Variants in CHRNA2 observed in about 807,000 individuals in gnomAD.
CHRNA2 encodes cholinergic receptor nicotinic alpha 2 subunit.
In CHRNA2, 40 loss-of-function variants were observed where a neutral mutation model predicts 45.5. That is an observed-to-expected ratio of 0.88 (90% CI 0.68 to 1.15). The LOEUF (loss-of-function observed/expected upper bound fraction) is 1.15, where lower values mean the gene tolerates loss of function less well. CHRNA2 is among the 50% of genes most tolerant of loss of function. The pLI, the probability that CHRNA2 is intolerant of heterozygous loss-of-function variation, is 0.00. For missense variants in CHRNA2, 655 were observed against 701.7 expected, an observed-to-expected ratio of 0.93 and a Z score of 0.75; for synonymous variants, 301 against 296.7, an observed-to-expected ratio of 1.01 and a Z score of -0.15.
rs1166338139 is a variant in CHRNA2 at position 27,471,154 on chromosome 8, G to T, written c.-96C>A. 8.9e-7 allele frequency: 1 copy of T among 1,129,858 alleles called. No individual in the cohort carries two copies. The highest frequency in any genetic ancestry group is 1.3e-6 in the Non-Finnish European group (1 of 758,346). 70.0% of individuals were successfully genotyped at this position (1,129,858 alleles called of 1,614,324 possible). A position where few individuals can be genotyped will look rare whatever the true frequency, so the allele number is the denominator to read the frequency against. ...CAGAGCTGCTGCTGGATTCTGTGAGGATTCTGCTGGATTCTGCGAGGCTTC... is the reference window on the plus strand; with the variant it reads ...CAGAGCTGCTGCTGGATTCTGTGAGTATTCTGCTGGATTCTGCGAGGCTTC... On this transcript the variant is annotated 5_prime_UTR_variant, in exon 2 of 7. Transcript: ENST00000407991.
chr8:27,461,279 T>C lies in CHRNA2; in HGVS notation c.*350A>G. The C allele has an allele frequency of 3.3e-6, 1 of 304,634 alleles. No individual in the cohort carries two copies. Among genetic ancestry groups the C allele is most frequent in the African/African-American group, 2.1e-5 (1 of 47,518 alleles). The allele number at this position is 304,634 out of a possible 1,614,324, so 18.9% of individuals were successfully genotyped here. On this transcript the variant is annotated 3_prime_UTR_variant, in exon 7 of 7. Coordinates refer to ENST00000407991, the MANE Select transcript of CHRNA2 (RefSeq NM_000742.4). Reference sequence around the variant, plus strand: ...TCCTTTGAGGTCTGCATTCCCTTCCTCGTCACCCTGGCCCCACTGTCCCCC... The same window carrying C: ...TCCTTTGAGGTCTGCATTCCCTTCCCCGTCACCCTGGCCCCACTGTCCCCC...
chr8:27,461,413 C>A lies in CHRNA2; in HGVS notation c.*216G>T. 1.6e-6 allele frequency: 1 copy of A among 632,848 alleles called. No homozygotes were observed. The highest frequency in any genetic ancestry group is 2.7e-6 in the Non-Finnish European group (1 of 373,442). The allele number at this position is 632,848 out of a possible 1,614,324, so 39.2% of individuals were successfully genotyped here. A position where few individuals can be genotyped will look rare whatever the true frequency, so the allele number is the denominator to read the frequency against. ...GACCTTCTGCAGAGCTTCCCCAGCT[C>A]CTCCGTATCCAAAACAGGGCTTTGC... On this transcript the variant is annotated 3_prime_UTR_variant, in exon 7 of 7. Transcript: ENST00000407991.
At chr8:27,477,175 C>T (rs1359371381) in intron 1 of CHRNA2, 1 of 152,160 alleles carries the variant, frequency 6.6e-6, no homozygotes, top group African/African-American at 2.4e-5. Context: ...CACCTGTGTT[C>T]CGTAGACCCT....
intron 2 of CHRNA2, 124 bp downstream of exon 2, chr8:27,470,862 A>G (rs1181893300): frequency 2.1e-6 from 2 of 953,562 alleles, no homozygotes; most frequent in Non-Finnish European, 3.3e-6. Context: ...CACCTGGCTG[A>G]TGGCCTCTGA....
chr8:27,465,473 T>C (rs932017020), intron 5 of CHRNA2, among the ~76,000 whole-genome samples: 2 of 152,120 alleles, frequency 1.3e-5, no homozygotes, highest in Non-Finnish European at 1.5e-5. Context: ...CACTCTGTTA[T>C]CGGGCTGGAG....
At chr8:27,465,367 T>C (rs1032047633) in intron 5 of CHRNA2, among the ~76,000 whole-genome samples, 24 of 151,818 alleles carry the variant, frequency 1.6e-4, no homozygotes, top group African/African-American at 5.6e-4. Context: ...AGTTCCATGG[T>C]AGAGATATGG....
intron 4 of CHRNA2, among the ~76,000 whole-genome samples, chr8:27,467,674 G>A (rs2099166): frequency 6.6e-6 from 1 of 152,078 alleles, no homozygotes; most frequent in African/African-American, 2.4e-5. Context: ...TCATTTTTAG[G>A]GCATCACAGT....
intron 1 of CHRNA2, 89 bp from the exon 2 acceptor site, chr8:27,471,283 G>A: frequency 2.0e-6 from 1 of 506,976 alleles, no homozygotes; most frequent in Non-Finnish European, 3.6e-6. Context: ...GGCATGAAAT[G>A]AGAGCAAAAG....
At position 27,461,887 on chromosome 8, in the gene CHRNA2, G is replaced by T. The variant is rs1435340338; in HGVS notation, c.1465-133C>A. 72 of 1,261,650 alleles carry T rather than the reference G, an allele frequency of 5.7e-5. No individual in the cohort carries two copies. In the South Asian group the frequency reaches 7.3e-4, roughly 13 times the overall value. 78.2% of individuals were successfully genotyped at this position (1,261,650 alleles called of 1,614,324 possible). On this transcript the variant is annotated intron_variant, in intron 6 of 6. Transcript: ENST00000407991. The stretch of plus-strand genomic sequence containing the variant: ...CCCACAGAGACCTTGGGGAGCAAAG[G>T]TCAGCACAGGGAGCGGGGTGAGTGG...
At chr8:27,462,332 T>C (rs1463456047) in intron 6 of CHRNA2, among the ~76,000 whole-genome samples, 1 of 152,178 alleles carries the variant, frequency 6.6e-6, no homozygotes, top group African/African-American at 2.4e-5. Flanking sequence ...CACTCAGTAA[T>C]AACCTCCCGG....
rs752422797 is a variant in CHRNA2 at position 27,467,316 on chromosome 8, C to A, written c.362G>T (p.Arg121Leu). 19 of 1,613,686 alleles carry A rather than the reference C, an allele frequency of 1.2e-5. No individual in the cohort carries two copies. The East Asian group carries it at 2.2e-4, about 19-fold the overall frequency. Residue 121 changes from arginine (R) to leucine (L), a missense_variant, in exon 5 of 7, where the codon CGC (arginine) becomes CTC (leucine). By Grantham distance (102) the Arg-to-Leu change is moderately radical. Around this residue, in one of 3 missense-constraint regions of CHRNA2, gnomAD observed 323 missense variants for 354.4 expected, o/e 0.91. Transcript: ENST00000407991. Reference protein sequence around the residue: ...LKQEWSDYKLRWNPTDFGNIT... With the variant: ...LKQEWSDYKLLWNPTDFGNIT... Reference sequence around the variant, plus strand: ...GTTGCCAAAATCAGTGGGGTTCCAGCGCAGTTTGTAGTCGCTCCACTCCTG... The same window carrying A: ...GTTGCCAAAATCAGTGGGGTTCCAGAGCAGTTTGTAGTCGCTCCACTCCTG...
intron 4 of CHRNA2, among the ~76,000 whole-genome samples, chr8:27,467,677 A>G (rs1269344884): frequency 6.6e-6 from 1 of 152,198 alleles, no homozygotes; most frequent in Non-Finnish European, 1.5e-5. Context: ...TTTTTAGGGC[A>G]TCACAGTTTA....
chr8:27,464,520 G>C (rs1006381716), intron 5 of CHRNA2, among the ~76,000 whole-genome samples: 2 of 152,154 alleles, frequency 1.3e-5, no homozygotes, highest in African/African-American at 4.8e-5. Flanking sequence ...GTTTTTCAAA[G>C]GCAGTTTTGG....
In CHRNA2 at chr8:27,463,415, A is replaced by T. The variant is rs1438289461; in HGVS notation, c.1028T>A (p.Ile343Asn). The change falls in exon 6 of 7, where the codon ATC (isoleucine) becomes AAC (asparagine). Residue 343 changes from isoleucine to asparagine, a missense_variant. This residue lies in a region of CHRNA2 where 295 missense variants were observed against 280.4 expected (regional missense o/e 1.05). Coordinates refer to ENST00000407991, the MANE Select transcript of CHRNA2 (RefSeq NM_000742.4). The surrounding 1 kb of genome is among the most constrained non-coding windows in gnomAD (Gnocchi z 6.1). ...ATTGAGCACGAAGACGGTGATGACGATGGACAGGGTGACGAAGATCATGGT... is the reference window on the plus strand; with the variant it reads ...ATTGAGCACGAAGACGGTGATGACGTTGGACAGGGTGACGAAGATCATGGT... ...LFTMIFVTLS[I>N]VITVFVLNVH... The T allele has an allele frequency of 6.2e-7, 1 of 1,614,020 alleles. No homozygotes were observed. The highest frequency in any genetic ancestry group is 2.2e-5 in the East Asian group (1 of 44,866).
intron 1 of CHRNA2, among the ~76,000 whole-genome samples, chr8:27,475,731 AT>A (rs1813041093): frequency 6.6e-6 from 1 of 152,202 alleles, no homozygotes; most frequent in East Asian, 1.9e-4. Flanking sequence ...TACCACAAAA[AT>A]AGTCTTTTTA....
chr8:27,476,337 T>C (rs1234856866), intron 1 of CHRNA2, among the ~76,000 whole-genome samples: 1 of 152,220 alleles, frequency 6.6e-6, no homozygotes, highest in African/African-American at 2.4e-5. Context: ...TCCAAAGCCA[T>C]CCAGGGAGGC....
At chr8:27,475,671 T>C (rs1411557628) in intron 1 of CHRNA2, among the ~76,000 whole-genome samples, 2 of 152,194 alleles carry the variant, frequency 1.3e-5, no homozygotes, top group Admixed American at 1.3e-4. Context: ...ATGAACTATA[T>C]ACAGTTAATA....
chr8:27,461,815 C>T (rs1812501586), intron 6 of CHRNA2, 61 bp from the exon 7 acceptor site: 5 of 1,611,744 alleles, frequency 3.1e-6, no homozygotes, highest in African/African-American at 2.7e-5. Flanking sequence ...GTGTTCCCCC[C>T]ATTCACAGCC....
At chr8:27,462,251 A>T (rs1248189390) in intron 6 of CHRNA2, among the ~76,000 whole-genome samples, 1 of 151,976 alleles carries the variant, frequency 6.6e-6, no homozygotes, top group African/African-American at 2.4e-5. Context: ...CACAGCCCAG[A>T]CAAGGGAGCC....
Sources: allele counts gnomAD v4.1 joint callset (sites outside exome capture counted in the v4.1 genomes callset), GRCh38; gene constraint gnomAD v4.1.1; regional missense constraint gnomAD v4.1.1; non-coding constraint Gnocchi (gnomAD v3.1); transcripts MANE v1.5; gene names NCBI Gene and HGNC (gene_info 2026-07-23, HGNC 2026-07-21).